PRH1: variants seen among roughly 807,000 people sequenced by gnomAD.
The protein encoded by PRH1 is proline rich protein HaeIII subfamily 1, also known as salivary acidic proline-rich phosphoprotein 1/2.
PRH1 carries 7 observed loss-of-function variants against 7.9 expected under a neutral mutation model. That is an observed-to-expected ratio of 0.89 (90% CI 0.50 to 1.67). The LOEUF is 1.67. Among genes scored for constraint, PRH1 ranks in the 40% most tolerant of loss-of-function variants. PRH1 has a pLI of 0.00. For synonymous variants in PRH1, 45 were observed against 80.8 expected (o/e 0.56, Z 2.38); for missense variants, 109 against 223.6 (o/e 0.49, Z 3.27).
At chr12:11,022,381 A>T (rs752602200) in intron 1 of PRH1, 3 of 1,602,276 alleles carry the variant, frequency 1.9e-6, no homozygotes, top group Non-Finnish European at 1.7e-6. Context: ...ATACCAAAGG[A>T]ATAACATGAC....
chr12:11,144,626 T>G (rs992129864), intron 1 of PRH1, among the ~76,000 whole-genome samples: 1 of 152,164 alleles, frequency 6.6e-6, no homozygotes, highest in Non-Finnish European at 1.5e-5. Flanking sequence ...CTTGACCAGT[T>G]CAAATTGTTA....
At chr12:11,171,257 C>T (rs1156308608) in intron 1 of PRH1, 1 of 796,866 alleles carries the variant, frequency 1.3e-6, no homozygotes, top group East Asian at 3.4e-5. Context: ...CCGGGAGCCG[C>T]TTTGCTTACC....
At chr12:11,022,630 C>A (rs1941719828) in intron 1 of PRH1, 4 of 1,219,978 alleles carry the variant, frequency 3.3e-6, no homozygotes, top group Non-Finnish European at 4.6e-6. Flanking sequence ...CTTTAACATC[C>A]AGATGTTAAC....
chr12:11,128,646 G>A (rs1946220376), intron 1 of PRH1, among the ~76,000 whole-genome samples: 1 of 152,116 alleles, frequency 6.6e-6, no homozygotes, highest in African/African-American at 2.4e-5. Context: ...CTCGGTGACT[G>A]CAGCAGGAGA....
intron 2 of PRH1, chr12:10,909,146 C>T: frequency 6.2e-7 from 1 of 1,613,896 alleles, no homozygotes; most frequent in Non-Finnish European, 8.5e-7. Context: ...TGGAGATTGC[C>T]AAGATAATGA....
chr12:11,118,237 T>C (rs1306630917), downstream of PRH1, among the ~76,000 whole-genome samples: 1 of 151,944 alleles, frequency 6.6e-6, no homozygotes, highest in African/African-American at 2.4e-5. Context: ...AATCTAACAA[T>C]CTGATCAAAA....
At chr12:11,150,513 C>T (rs1331919386) in intron 1 of PRH1, among the ~76,000 whole-genome samples, 1 of 152,088 alleles carries the variant, frequency 6.6e-6, no homozygotes, top group Admixed American at 6.5e-5. Context: ...AGTTCATGTC[C>T]TCTGTAGGGA....
chr12:10,983,934 A>C (rs1939481730), intron 1 of PRH1, among the ~76,000 whole-genome samples: 1 of 152,188 alleles, frequency 6.6e-6, no homozygotes, highest in Non-Finnish European at 1.5e-5. Context: ...CTAGTTCTAG[A>C]CACCCAAGGC....
chr12:10,920,557 T>C (rs916014448), intron 2 of PRH1, among the ~76,000 whole-genome samples: 1 of 152,146 alleles, frequency 6.6e-6, no homozygotes, highest in African/African-American at 2.4e-5. Context: ...CACATTTTAA[T>C]GGACCAGTGC....
intron 2 of PRH1, among the ~76,000 whole-genome samples, chr12:10,945,835 G>A (rs1011772166): frequency 2.0e-5 from 3 of 152,180 alleles, no homozygotes; most frequent in African/African-American, 7.2e-5. Context: ...CCTCCCCTCA[G>A]GGACACATTC....
intron 1 of PRH1, among the ~76,000 whole-genome samples, chr12:11,127,260 T>C (rs1946164684): frequency 6.6e-6 from 1 of 152,308 alleles, no homozygotes; most frequent in African/African-American, 2.4e-5. Context: ...TCTCATTTGC[T>C]AGCATGCAAA....
chr12:10,943,372 G>A (rs1298841813), intron 2 of PRH1, among the ~76,000 whole-genome samples: 3 of 152,106 alleles, frequency 2.0e-5, no homozygotes, highest in Non-Finnish European at 2.9e-5. Context: ...TCACATGTAC[G>A]TCTTCTTTTG....
At position 11,090,760 on chromosome 12, in the gene PRH1, C is replaced by T. The variant is rs1411647801; in HGVS notation, n.124-43572G>A. 1.7e-5 allele frequency among the ~76,000 whole-genome samples: 2 copies of T among 116,600 alleles called. 1 individual carries two copies. The highest frequency in any genetic ancestry group is 4.1e-5 in the Non-Finnish European group (2 of 49,232). 76.5% of individuals were successfully genotyped at this position (116,600 alleles called of 152,430 possible). On this transcript the variant is annotated intron_variant and non_coding_transcript_variant, in intron 1 of 4. Coordinates refer to the PRH1 transcript ENST00000541977. ...AATAGAAATTCATAATGGAATAAAA[C>T]ACCGAGGATACATCCTCATTATTGA...
chr12:10,923,423 C>A (rs1950080421), intron 2 of PRH1, among the ~76,000 whole-genome samples: 1 of 152,208 alleles, frequency 6.6e-6, no homozygotes, highest in Non-Finnish European at 1.5e-5. Context: ...GCCAACATGC[C>A]CAGCCTTCGA....
At chr12:11,073,882 A>C (rs1358535393) in intron 1 of PRH1, among the ~76,000 whole-genome samples, 1 of 152,106 alleles carries the variant, frequency 6.6e-6, no homozygotes, top group East Asian at 1.9e-4. Flanking sequence ...TCTTCAGCGG[A>C]GGAGTATCTG....
At chr12:10,968,497 A>C (rs1938626112) in intron 2 of PRH1, among the ~76,000 whole-genome samples, 1 of 152,262 alleles carries the variant, frequency 6.6e-6, no homozygotes, top group Admixed American at 6.5e-5. Flanking sequence ...TCATTTTTCT[A>C]AGTGCTACAA....
At chr12:10,887,667 C>T (rs1217171933), upstream of PRH1, among the ~76,000 whole-genome samples, 1 of 150,950 alleles carries the variant, frequency 6.6e-6, no homozygotes, top group East Asian at 1.9e-4. Context: ...GATTACAGGT[C>T]CCTCGCCACC....
chr12:11,002,729 T>C (rs902239886), intron 1 of PRH1, among the ~76,000 whole-genome samples: 3 of 152,060 alleles, frequency 2.0e-5, no homozygotes, highest in African/African-American at 7.2e-5. Context: ...ACTCAAAGAT[T>C]ACACTAAATA....
At chr12:11,056,126 T>C (rs531175811) in intron 1 of PRH1, among the ~76,000 whole-genome samples, 1 of 152,364 alleles carries the variant, frequency 6.6e-6, no homozygotes, top group Admixed American at 6.5e-5. Context: ...TCAATCTTTA[T>C]CAAACTTAGC....
Sources: gnomAD v4.1 joint callset for allele counts (sites outside exome capture counted in the v4.1 genomes callset) on GRCh38, gnomAD v4.1.1 for gene constraint, MANE v1.5 for transcripts, NCBI Gene and HGNC (gene_info 2026-07-23, HGNC 2026-07-21) for gene names.